Variants in EEPD1 observed in about 807,000 individuals in gnomAD.
EEPD1 encodes the protein endonuclease/exonuclease/phosphatase family domain-containing protein 1.
In EEPD1, 17 loss-of-function variants were observed where a neutral mutation model predicts 46.3. The ratio of observed to expected loss-of-function variants is 0.37; its 90% CI spans 0.25 to 0.55. EEPD1 has a LOEUF of 0.55. EEPD1 is among the 20% of genes least tolerant of loss of function. The pLI is 0.83. For missense variants in EEPD1, 673 were observed against 745.6 expected, an observed-to-expected ratio of 0.90 and a Z score of 1.13; for synonymous variants, 313 against 315.6, an observed-to-expected ratio of 0.99 and a Z score of 0.09.
chr7:36,177,895 G>A (rs1389545624), intron 2 of EEPD1, among the ~76,000 whole-genome samples: 1 of 152,080 alleles, frequency 6.6e-6, no homozygotes, highest in African/African-American at 2.4e-5. Flanking sequence ...TGCATTTTTA[G>A]TAGAGACGGA....
intron 3 of EEPD1, among the ~76,000 whole-genome samples, chr7:36,269,713 T>C (rs1198328620): frequency 6.6e-6 from 1 of 152,180 alleles, no homozygotes; most frequent in Admixed American, 6.5e-5. Flanking sequence ...CTGGGCAACA[T>C]AGAGAGATCC....
intron 3 of EEPD1, among the ~76,000 whole-genome samples, chr7:36,263,822 A>G (rs1248459344): frequency 1.3e-5 from 2 of 152,158 alleles, no homozygotes; most frequent in Non-Finnish European, 2.9e-5. Context: ...GGGAGAATAA[A>G]TTGCTATGTA....
chr7:36,196,460 G>T (rs945547190), intron 2 of EEPD1, among the ~76,000 whole-genome samples: 3 of 151,932 alleles, frequency 2.0e-5, no homozygotes, highest in Admixed American at 6.6e-5. Flanking sequence ...CTCTCATGCC[G>T]GGCCAAAGCT....
intron 3 of EEPD1, among the ~76,000 whole-genome samples, chr7:36,274,726 C>T (rs987193986): frequency 6.6e-6 from 1 of 152,118 alleles, no homozygotes; most frequent in Non-Finnish European, 1.5e-5. Flanking sequence ...TGTAATGACC[C>T]CAGGCATTCC....
At chr7:36,276,907 A>C (rs1002350654) in intron 3 of EEPD1, among the ~76,000 whole-genome samples, 2 of 152,254 alleles carry the variant, frequency 1.3e-5, no homozygotes, top group African/African-American at 4.8e-5. Flanking sequence ...TTTGCAGGCC[A>C]GACTGGTCTG....
chr7:36,211,925 CAAAA>C (rs34244121), intron 2 of EEPD1, among the ~76,000 whole-genome samples: 1 of 107,084 alleles, frequency 9.3e-6, no homozygotes, highest in Admixed American at 1.0e-4. Context: ...GACTCCATCT[CAAAA>C]AAAAAAAAAA....
intron 6 of EEPD1, among the ~76,000 whole-genome samples, chr7:36,290,800 ACT>A (rs1225321785): frequency 6.6e-6 from 1 of 151,622 alleles, no homozygotes; most frequent in Non-Finnish European, 1.5e-5. Flanking sequence ...AAATCTAGAG[ACT>A]CTCTGAGGAA....
intron 5 of EEPD1, among the ~76,000 whole-genome samples, chr7:36,285,259 G>A (rs1170070449): frequency 1.3e-5 from 2 of 152,128 alleles, no homozygotes; most frequent in Admixed American, 1.3e-4. Context: ...CAGGTGTTAG[G>A]GAATGGCTGG....
rs199807446 is a variant in EEPD1 at position 36,297,145 on chromosome 7, G to A, written c.1468G>A (p.Asp490Asn). Residue 490 changes from aspartate to asparagine, a missense_variant, in exon 7 of 8, where the codon GAC becomes AAC. By Grantham distance (23) the Asp-to-Asn change is conservative. Transcript: ENST00000242108. The stretch of plus-strand genomic sequence containing the variant: ...GAACCCTCAAGGCTCGAAGTCTCTG[G>A]ACAACATCTGGATCAGTAAAAGCTT... ...TKNPQGSKSLDNIWISKSLKK... is the reference protein window; with the variant it reads ...TKNPQGSKSLNNIWISKSLKK... The A allele has an allele frequency of 6.4e-4, 1,034 of 1,614,170 alleles. 1 individual carries two copies. Among genetic ancestry groups the A allele is most frequent in the Non-Finnish European group, 8.3e-4 (974 of 1,180,032 alleles).
chr7:36,281,551 G>C (rs1367432007), intron 4 of EEPD1, among the ~76,000 whole-genome samples: 1 of 152,154 alleles, frequency 6.6e-6, no homozygotes, highest in African/African-American at 2.4e-5. Context: ...TTTGTGCAGA[G>C]CTCATTACTC....
intron 3 of EEPD1, among the ~76,000 whole-genome samples, chr7:36,271,462 G>GT (rs1233026553): frequency 6.6e-6 from 1 of 151,952 alleles, no homozygotes; most frequent in Admixed American, 6.6e-5. Context: ...GGGTTGTTTG[G>GT]TTTTTTCTTT....
chr7:36,258,559 C>T (rs1222975699), intron 3 of EEPD1, among the ~76,000 whole-genome samples: 1 of 152,182 alleles, frequency 6.6e-6, no homozygotes, highest in Non-Finnish European at 1.5e-5. Context: ...AGTCTGGCTA[C>T]AGTGGCTTTG....
intron 2 of EEPD1, among the ~76,000 whole-genome samples, chr7:36,209,373 C>T (rs1038766842): frequency 2.0e-5 from 3 of 152,126 alleles, no homozygotes; most frequent in African/African-American, 7.2e-5. Context: ...TTCTCATTGC[C>T]GGCTCTGTTT....
chr7:36,227,331 T>A (rs1430362762), intron 2 of EEPD1, among the ~76,000 whole-genome samples: 1 of 152,262 alleles, frequency 6.6e-6, no homozygotes, highest in African/African-American at 2.4e-5. Flanking sequence ...CTGCCCAAGC[T>A]AAATTCCACA....
chr7:36,277,364 T>TAA (rs1787197794), intron 3 of EEPD1, among the ~76,000 whole-genome samples: 1 of 152,220 alleles, frequency 6.6e-6, no homozygotes, highest in Non-Finnish European at 1.5e-5. Flanking sequence ...GTGCCAGGAA[T>TAA]AATAAAGACG....
In EEPD1 at chr7:36,284,697, T is replaced by C; in HGVS notation, c.1053T>C (p.Tyr351=). The C allele has an allele frequency of 6.2e-7, 1 of 1,612,374 alleles. No individual in the cohort carries two copies. Among genetic ancestry groups the C allele is most frequent in the African/African-American group, 1.3e-5 (1 of 74,858 alleles). Reference sequence around the variant, plus strand: ...CCTCTCCGCTGCAGGGAGCTGGGTATGCAGGATTCCTATGGGACGCGGCTG... The same window carrying C: ...CCTCTCCGCTGCAGGGAGCTGGGTACGCAGGATTCCTATGGGACGCGGCTG... ...PSSQLQKGAG[Y]AGFLWDAAAG... is the part of the protein sequence containing the mutation. The change falls in exon 5 of 8, where the codon TAT becomes TAC. Residue 351 remains tyrosine, a synonymous_variant. Coordinates refer to ENST00000242108, the MANE Select transcript of EEPD1 (RefSeq NM_030636.3).
At chr7:36,188,701 A>C (rs1354239692) in intron 2 of EEPD1, among the ~76,000 whole-genome samples, 1 of 152,180 alleles carries the variant, frequency 6.6e-6, no homozygotes, top group Non-Finnish European at 1.5e-5. Context: ...TTAATTCTTC[A>C]TCCTTTTTCT....
intron 3 of EEPD1, among the ~76,000 whole-genome samples, chr7:36,277,519 G>A (rs989229824): frequency 6.6e-6 from 1 of 152,192 alleles, no homozygotes; most frequent in Non-Finnish European, 1.5e-5. Context: ...GGGCCTGTGA[G>A]TTTGCATTTC....
At chr7:36,265,852 G>C (rs1787007200) in intron 3 of EEPD1, among the ~76,000 whole-genome samples, 1 of 152,206 alleles carries the variant, frequency 6.6e-6, no homozygotes, top group Non-Finnish European at 1.5e-5. Context: ...GAGGAAACAA[G>C]TTATCATCAG....
Sources: gnomAD v4.1 joint callset for allele counts (sites outside exome capture counted in the v4.1 genomes callset) on GRCh38, gnomAD v4.1.1 for gene constraint, MANE v1.5 for transcripts, NCBI Gene and HGNC (gene_info 2026-07-23, HGNC 2026-07-21) for gene names.